Variants in TOX4 observed in about 807,000 individuals in gnomAD.
The protein encoded by TOX4 is epidermal Langerhans cell protein LCP1.
Under a neutral mutation model 61.0 loss-of-function variants are expected in TOX4, and 12 were observed. That is an observed-to-expected ratio of 0.20 (90% CI 0.13 to 0.32). The LOEUF (loss-of-function observed/expected upper bound fraction) is 0.32. Among genes scored for constraint, TOX4 ranks in the 10% least tolerant of loss-of-function variants. The pLI is 1.00. For missense variants in TOX4, 499 were observed against 753.3 expected, an observed-to-expected ratio of 0.66 and a Z score of 3.95; for synonymous variants, 268 against 274.8, an observed-to-expected ratio of 0.98 and a Z score of 0.24.
intron 3 of TOX4, chr14:21,488,329 T>C: frequency 2.4e-6 from 1 of 419,368 alleles, no homozygotes; most frequent in Non-Finnish European, 4.3e-6. Flanking sequence ...AATAAGTTGA[T>C]AGCTCTTTGA....
At chr14:21,491,775 G>A (rs1203587185) in intron 5 of TOX4, among the ~76,000 whole-genome samples, 1 of 151,546 alleles carries the variant, frequency 6.6e-6, no homozygotes, top group Non-Finnish European at 1.5e-5. Flanking sequence ...ACTTTGGGAG[G>A]CAGAGGCAGG....
rs1232218993 is a variant in TOX4, at chr14:21,496,588, A to G, written c.1848A>G (p.Thr616=). The change falls in exon 9 of 9, where the codon ACA becomes ACG. Residue 616 remains threonine, a synonymous_variant. Coordinates refer to ENST00000448790, the MANE Select transcript of TOX4 (RefSeq NM_014828.4). ...GGGTAGCCTCTAGAAATTCAAACAC[A>G]GTGGTGTTTGTGAAATAGTCCTTCC... The part of the protein sequence containing the change: ...LAWVASRNSN[T]VVFVK 6.2e-7 allele frequency: 1 copy of G among 1,612,206 alleles called. No individual in the cohort carries two copies. The highest frequency in any genetic ancestry group is 1.7e-5 in the Admixed American group (1 of 60,010).
At chr14:21,478,324 T>G (rs2139614913) in intron 2 of TOX4, among the ~76,000 whole-genome samples, 1 of 152,362 alleles carries the variant, frequency 6.6e-6, no homozygotes, top group South Asian at 2.1e-4. Context: ...GGAAAGGAAA[T>G]AGCTGCTAGA....
rs146111921 is a variant in TOX4, at chr14:21,483,931, C to T, written c.76-3520C>T. On this transcript the variant is annotated intron_variant, in intron 2 of 8. Coordinates refer to ENST00000448790, the MANE Select transcript of TOX4 (RefSeq NM_014828.4). Reference sequence around the variant, plus strand: ...CAAGCGATTCTCGTGCCTCAGCCACCTGGGTAGCTGGGATTACAGACGCAC... The same window carrying T: ...CAAGCGATTCTCGTGCCTCAGCCACTTGGGTAGCTGGGATTACAGACGCAC... 9.6e-3 allele frequency among the ~76,000 whole-genome samples: 1,457 copies of T among 152,034 alleles called. 27 individuals carry two copies. The highest frequency in any genetic ancestry group is 0.031 in the African/African-American group (1,284 of 41,432).
At chr14:21,478,751 C>G (rs548847783) in intron 2 of TOX4, among the ~76,000 whole-genome samples, 1 of 151,932 alleles carries the variant, frequency 6.6e-6, no homozygotes, top group Non-Finnish European at 1.5e-5. Context: ...ATAATCCTAA[C>G]GTTTTCATGG....
chr14:21,492,605 C>T lies in TOX4; in HGVS notation c.989C>T (p.Ala330Val). Residue 330 changes from alanine (A) to valine (V), a missense_variant, in exon 7 of 9, where the codon GCT becomes GTT. By Grantham distance (64) the Ala-to-Val change is moderately conservative (BLOSUM62 0). Transcript: ENST00000448790. ...GTTGACCCAGCATCTCCAGCACCAGCTTCAATAGAGCCCCCTGCCCTGTCC... is the reference window on the plus strand; with the variant it reads ...GTTGACCCAGCATCTCCAGCACCAGTTTCAATAGAGCCCCCTGCCCTGTCC... ...ATVDPASPAP[A>V]SIEPPALSPS... 1.2e-6 allele frequency: 2 copies of T among 1,613,864 alleles called. No individual in the cohort carries two copies. Among genetic ancestry groups the T allele is most frequent in the Non-Finnish European group, 1.7e-6 (2 of 1,180,024 alleles).
At position 21,498,334 on chromosome 14, in the gene TOX4, A is replaced by G. The variant is rs759112453; in HGVS notation, c.*1728A>G. 1 of 1,614,176 alleles carries G rather than the reference A, an allele frequency of 6.2e-7. No homozygotes were observed. The highest frequency in any genetic ancestry group is 8.5e-7 in the Non-Finnish European group (1 of 1,180,018). On this transcript the variant is annotated 3_prime_UTR_variant, in exon 9 of 9. Coordinates refer to ENST00000448790, the MANE Select transcript of TOX4 (RefSeq NM_014828.4). ...CCGTGCAACCACATCTGGGTCTAGT[A>G]GGTGGATCCCATCCAGTTGGTTTCC...
chr14:21,490,523 T>C (rs1891269079), intron 5 of TOX4, among the ~76,000 whole-genome samples: 1 of 152,176 alleles, frequency 6.6e-6, no homozygotes, highest in African/African-American at 2.4e-5. Context: ...TTACAATAAC[T>C]CTCAAAAATA....
chr14:21,486,846 A>C (rs1472305928), intron 2 of TOX4, among the ~76,000 whole-genome samples: 1 of 152,254 alleles, frequency 6.6e-6, no homozygotes, highest in African/African-American at 2.4e-5. Flanking sequence ...AGGTTTTCTG[A>C]AAATCCTATA....
At position 21,492,415 on chromosome 14, in the gene TOX4, A is replaced by G. The variant is rs148145239; in HGVS notation, c.891+39A>G. On this transcript the variant is annotated intron_variant, in intron 6 of 8. Coordinates refer to ENST00000448790, the MANE Select transcript of TOX4 (RefSeq NM_014828.4). ...GATAGAATGAATATTTAAACCAGTA[A>G]GAAGTTTTTTGGAAGTGTTTGTTAG... 3.5e-5 allele frequency: 57 copies of G among 1,610,884 alleles called. No individual in the cohort carries two copies. In the East Asian group the frequency reaches 1.2e-3, roughly 35 times the overall value.
chr14:21,482,935 C>T (rs1437926288), intron 2 of TOX4, among the ~76,000 whole-genome samples: 2 of 151,964 alleles, frequency 1.3e-5, no homozygotes, highest in African/African-American at 4.8e-5. Context: ...TAAAACAGAA[C>T]CCAGAAAACC....
Position 21,489,187 on chromosome 14 carries a change from G to A in TOX4, c.594G>A (p.Gln198=). 6.2e-7 allele frequency: 1 copy of A among 1,613,784 alleles called. No homozygotes were observed. The highest frequency in any genetic ancestry group is 8.5e-7 in the Non-Finnish European group (1 of 1,179,972). The part of the protein sequence containing the change: ...VEDFRRQLPS[Q]KTVVVEAGKK... ...CTCTCCTACAGCAACTTCCCAGCCA[G>A]AAGACAGTCGTGGTGGAAGCAGGGA... is the stretch of plus-strand genomic sequence containing the variant. Residue 198 remains glutamine, a synonymous_variant, in exon 5 of 9, where the codon CAG becomes CAA. Transcript: ENST00000448790.
intron 2 of TOX4, 140 bp from the exon 3 acceptor site, chr14:21,487,311 T>G: frequency 8.2e-7 from 1 of 1,224,320 alleles, no homozygotes; most frequent in East Asian, 2.4e-5. Context: ...TAATAGGTTC[T>G]AAGAAATTGA....
chr14:21,496,595 T>G lies in TOX4; in HGVS notation c.1855T>G (p.Phe619Val), dbSNP rs749345810. ...VASRNSNTVV[F>V]VK is the part of the protein sequence containing the mutation. ...CTCTAGAAATTCAAACACAGTGGTG[T>G]TTGTGAAATAGTCCTTCCTGTTCTC... The change falls in exon 9 of 9, where the codon TTT becomes GTT. Residue 619 changes from phenylalanine (F) to valine (V), a missense_variant. Physicochemically the swap from Phe to Val is conservative, Grantham distance 50. Transcript: ENST00000448790. 1.2e-6 allele frequency: 2 copies of G among 1,612,074 alleles called. No individual in the cohort carries two copies. Among genetic ancestry groups the G allele is most frequent in the South Asian group, 2.2e-5 (2 of 91,006 alleles).
chr14:21,489,669 C>T (rs1891251611), intron 5 of TOX4, among the ~76,000 whole-genome samples: 1 of 151,994 alleles, frequency 6.6e-6, no homozygotes, highest in African/African-American at 2.4e-5. Context: ...AGCTCCGCCT[C>T]CTGGGTTCAC....
rs1891414803 is a variant in TOX4 at position 21,496,874 on chromosome 14, A to G, written c.*268A>G. The G allele has an allele frequency of 5.3e-6, 2 of 380,258 alleles. No individual in the cohort carries two copies. Among genetic ancestry groups the G allele is most frequent in the African/African-American group, 4.1e-5 (2 of 48,710 alleles). The allele number at this position is 380,258 out of a possible 1,614,324, so 23.6% of individuals were successfully genotyped here. ...GGGAGTCTGGGCAAGCAAAGCATAG[A>G]GATGGTGGGGTGGTGGTGGGGTTGA... On this transcript the variant is annotated 3_prime_UTR_variant, in exon 9 of 9. Coordinates refer to ENST00000448790, the MANE Select transcript of TOX4 (RefSeq NM_014828.4).
intron 7 of TOX4, among the ~76,000 whole-genome samples, chr14:21,494,315 CAT>C (rs1891354388): frequency 6.6e-6 from 1 of 152,052 alleles, no homozygotes; most frequent in Non-Finnish European, 1.5e-5. Flanking sequence ...TTAAAACAGA[CAT>C]AAATATGGCC....
intron 2 of TOX4, among the ~76,000 whole-genome samples, chr14:21,480,218 G>C (rs954673954): frequency 1.3e-5 from 2 of 152,002 alleles, no homozygotes; most frequent in Admixed American, 1.3e-4. Context: ...GTATTAACAA[G>C]TAATATTATA....
In TOX4 at chr14:21,484,739, A is replaced by G. The variant is rs2139621367; in HGVS notation, c.76-2712A>G. On this transcript the variant is annotated intron_variant, in intron 2 of 8. Transcript: ENST00000448790. ...AGTGGTGCAGTCTTGACTCACTGTG[A>G]CCTCTGACTCCTGAGTTCAAGTGAT... Among the ~76,000 whole-genome samples, 2 of 102,726 alleles carry G rather than the reference A, an allele frequency of 1.9e-5. 1 individual carries two copies. Among genetic ancestry groups the G allele is most frequent in the South Asian group, 6.8e-4 (2 of 2,928 alleles). 67.4% of individuals were successfully genotyped at this position (102,726 alleles called of 152,430 possible). A position where few individuals can be genotyped will look rare whatever the true frequency, so the allele number is the denominator to read the frequency against.
Sources: gnomAD v4.1 joint callset for allele counts (sites outside exome capture counted in the v4.1 genomes callset) on GRCh38, gnomAD v4.1.1 for gene constraint, MANE v1.5 for transcripts, NCBI Gene and HGNC (gene_info 2026-07-23, HGNC 2026-07-21) for gene names.